The following KCNIP4 variants were observed in gnomAD, a reference collection of about 807,000 sequenced individuals.
KCNIP4 encodes potassium voltage-gated channel interacting protein 4, also known as Kv channel-interacting protein 4.
A neutral mutation model predicts 34.0 loss-of-function variants in KCNIP4; 12 were observed. That is an observed-to-expected ratio of 0.35 (90% CI 0.23 to 0.57). The LOEUF is 0.57. Ranked by LOEUF, KCNIP4 falls within the 20% of genes least tolerant of loss-of-function variation. The pLI, the probability that KCNIP4 is intolerant of heterozygous loss-of-function variation, is 0.83. For synonymous variants in KCNIP4, 124 were observed against 102.2 expected (o/e 1.21, Z -1.29); for missense variants, 238 against 311.7 (o/e 0.76, Z 1.78).
chr4:21,359,538 A>T (rs1245237530), intron 1 of KCNIP4, among the ~76,000 whole-genome samples: 1 of 152,166 alleles, frequency 6.6e-6, no homozygotes, highest in African/African-American at 2.4e-5. Flanking sequence ...ATTTTACAGG[A>T]TAATTATCAC....
chr4:21,657,245 A>G (rs1267332635), intron 1 of KCNIP4, among the ~76,000 whole-genome samples: 1 of 151,862 alleles, frequency 6.6e-6, no homozygotes, highest in Non-Finnish European at 1.5e-5. Context: ...CTTTTTCGTT[A>G]TTTTATTTAT....
chr4:21,714,790 T>TTTTATTTA (rs1714050001), intron 1 of KCNIP4, among the ~76,000 whole-genome samples: 3 of 260 alleles, frequency 0.012, no homozygotes, highest in Admixed American at 0.062. Flanking sequence ...CCTTTGATTA[T>TTTTATTTA]TTTATTTTAT....
intron 1 of KCNIP4, among the ~76,000 whole-genome samples, chr4:21,754,321 C>T (rs912602890): frequency 3.9e-5 from 6 of 152,130 alleles, no homozygotes; most frequent in South Asian, 2.1e-4. Flanking sequence ...TTACCACTAC[C>T]GGACCAAGCT....
intron 3 of KCNIP4, among the ~76,000 whole-genome samples, chr4:20,790,210 G>A (rs556166319): frequency 6.6e-6 from 1 of 152,144 alleles, no homozygotes; most frequent in Non-Finnish European, 1.5e-5. Context: ...CATAGGAAAA[G>A]TACAATAAAA....
intron 1 of KCNIP4, among the ~76,000 whole-genome samples, chr4:21,236,351 A>G (rs1337625770): frequency 6.6e-6 from 1 of 152,170 alleles, no homozygotes; most frequent in Non-Finnish European, 1.5e-5. Flanking sequence ...GACTGGTGAC[A>G]TTTGTATAAC....
intron 1 of KCNIP4, among the ~76,000 whole-genome samples, chr4:21,818,283 C>T (rs1352432303): frequency 2.0e-5 from 3 of 152,220 alleles, no homozygotes; most frequent in African/African-American, 7.2e-5. Context: ...CAGCTTCTCA[C>T]TCAAAAAGCA....
At chr4:20,844,832 T>C (rs1720174036) in intron 3 of KCNIP4, among the ~76,000 whole-genome samples, 1 of 152,136 alleles carries the variant, frequency 6.6e-6, no homozygotes, top group Non-Finnish European at 1.5e-5. Context: ...AAAAGCCCCA[T>C]ACAAGAACTC....
chr4:21,031,588 C>CTT (rs1289427026), intron 1 of KCNIP4, among the ~76,000 whole-genome samples: 1 of 152,102 alleles, frequency 6.6e-6, no homozygotes. Context: ...AGAGGTGTGT[C>CTT]TTTTTTGTTG....
intron 1 of KCNIP4, among the ~76,000 whole-genome samples, chr4:21,247,920 CATATATATAT>C (rs780567310): frequency 1.5e-5 from 2 of 132,534 alleles, no homozygotes; most frequent in African/African-American, 6.1e-5. Flanking sequence ...CACACACACA[CATATATATAT>C]ACACACATAT....
At chr4:20,957,501 T>C (rs1733433909) in intron 1 of KCNIP4, among the ~76,000 whole-genome samples, 1 of 152,148 alleles carries the variant, frequency 6.6e-6, no homozygotes, top group Non-Finnish European at 1.5e-5. Flanking sequence ...AGATCTTATA[T>C]CTAGTATATG....
At chr4:21,035,253 G>A (rs1280257875) in intron 1 of KCNIP4, among the ~76,000 whole-genome samples, 5 of 152,068 alleles carry the variant, frequency 3.3e-5, no homozygotes, top group Non-Finnish European at 7.4e-5. Flanking sequence ...AGTTTCTAAC[G>A]CATCTTTGGC....
intron 1 of KCNIP4, among the ~76,000 whole-genome samples, chr4:21,712,781 T>A (rs200741712): frequency 0.017 from 2,554 of 149,766 alleles, 69 homozygotes; most frequent in African/African-American, 0.053. Flanking sequence ...CAGAGATTTT[T>A]AAAAAAAAAA....
intron 1 of KCNIP4, among the ~76,000 whole-genome samples, chr4:21,234,236 T>TATATTATATATAAC (rs1560198693): frequency 0.016 from 622 of 38,900 alleles, 182 homozygotes; most frequent in Middle Eastern, 0.042. Flanking sequence ...ATATATAACA[T>TATATTATATATAAC]ATATATAACA....
chr4:21,631,549 C>A (rs1440545404), intron 1 of KCNIP4, among the ~76,000 whole-genome samples: 1 of 152,086 alleles, frequency 6.6e-6, no homozygotes, highest in Non-Finnish European at 1.5e-5. Context: ...ATAAACACTT[C>A]AAAAAATGTA....
intron 1 of KCNIP4, among the ~76,000 whole-genome samples, chr4:21,856,464 C>T (rs950921330): frequency 6.6e-6 from 1 of 152,258 alleles, no homozygotes; most frequent in East Asian, 1.9e-4. Context: ...GAGGACTGGC[C>T]GGGGCTGCCA....
intron 1 of KCNIP4, among the ~76,000 whole-genome samples, chr4:21,406,364 G>A (rs903945239): frequency 2.6e-5 from 4 of 152,078 alleles, no homozygotes; most frequent in African/African-American, 9.7e-5. Context: ...ATAAATAATA[G>A]CATCAACAAT....
At chr4:21,413,232 C>A (rs953468377) in intron 1 of KCNIP4, among the ~76,000 whole-genome samples, 1 of 152,048 alleles carries the variant, frequency 6.6e-6, no homozygotes, top group African/African-American at 2.4e-5. Flanking sequence ...CTGACAGAAC[C>A]ATTTCCAAGC....
In KCNIP4 at chr4:20,798,538, CAG is replaced by C. The variant is rs1266068526; in HGVS notation, c.289-39650_289-39649del. On this transcript the variant is annotated intron_variant, in intron 3 of 8. Transcript: ENST00000382152. ...AGACACACACATACACACACACACACAGACACACAAAAAAGCTATGAATAATC... is the reference window on the plus strand; with the variant it reads ...AGACACACACATACACACACACACACACACACAAAAAAGCTATGAATAATC... Among the ~76,000 whole-genome samples, 372 of 150,440 alleles carry C rather than the reference CAG, an allele frequency of 2.5e-3. 1 individual carries two copies. Among genetic ancestry groups the C allele is most frequent in the African/African-American group, 6.7e-3 (274 of 41,008 alleles).
Position 21,556,892 on chromosome 4 carries a change from G to A in KCNIP4, c.61+391679C>T, listed in dbSNP as rs1045707298. 6.0e-5 allele frequency among the ~76,000 whole-genome samples: 6 copies of A among 100,096 alleles called. No homozygotes were observed. In the East Asian group the frequency reaches 2.2e-3, roughly 36 times the overall value. The allele number at this position is 100,096 out of a possible 152,430, so 65.7% of individuals were successfully genotyped here. A position where few individuals can be genotyped will look rare whatever the true frequency, so the allele number is the denominator to read the frequency against. ...GCTGAGATTACGCCACTGCACTCCAGCCTGATCAACAAAGCAAGACTCCAT... is the reference window on the plus strand; with the variant it reads ...GCTGAGATTACGCCACTGCACTCCAACCTGATCAACAAAGCAAGACTCCAT... On this transcript the variant is annotated intron_variant, in intron 1 of 8. Transcript: ENST00000382152.
Sources: allele counts gnomAD v4.1 joint callset (sites outside exome capture counted in the v4.1 genomes callset), GRCh38; gene constraint gnomAD v4.1.1; transcripts MANE v1.5; gene names NCBI Gene and HGNC (gene_info 2026-07-23, HGNC 2026-07-21).